PHACTR4: variants seen among roughly 807,000 people sequenced by gnomAD.
PHACTR4 encodes the protein protein phosphatase 1, regulatory subunit 124.
PHACTR4 carries 51 observed loss-of-function variants against 72.7 expected under a neutral mutation model. The ratio of observed to expected loss-of-function variants is 0.70; its 90% CI spans 0.56 to 0.89. The LOEUF is 0.89. Among genes scored for constraint, PHACTR4 ranks in the 40% least tolerant of loss-of-function variants. The pLI is 0.00. For missense variants in PHACTR4, 731 were observed against 861.8 expected, an observed-to-expected ratio of 0.85 and a Z score of 1.90; for synonymous variants, 255 against 302.5, an observed-to-expected ratio of 0.84 and a Z score of 1.63.
At chr1:28,421,508 A>T (rs1233295953) in intron 2 of PHACTR4, among the ~76,000 whole-genome samples, 1 of 152,134 alleles carries the variant, frequency 6.6e-6, no homozygotes, top group Non-Finnish European at 1.5e-5. Flanking sequence ...TTGCATAAAA[A>T]TTAATATTAT....
intron 1 of PHACTR4, among the ~76,000 whole-genome samples, chr1:28,370,056 G>T (rs1034252562): frequency 1.3e-5 from 2 of 151,730 alleles, no homozygotes; most frequent in African/African-American, 4.8e-5. Flanking sequence ...CAGGGCCCGC[G>T]CAGGCTCGCC....
At chr1:28,447,842 G>A (rs926452404) in intron 2 of PHACTR4, among the ~76,000 whole-genome samples, 13 of 152,076 alleles carry the variant, frequency 8.5e-5, no homozygotes, top group Admixed American at 4.6e-4. Context: ...CGGCTTTACC[G>A]AGTTCTTTCT....
At chr1:28,443,557 C>T (rs1657207282) in intron 2 of PHACTR4, among the ~76,000 whole-genome samples, 2 of 152,026 alleles carry the variant, frequency 1.3e-5, no homozygotes, top group Admixed American at 6.6e-5. Flanking sequence ...AAGCGATCCT[C>T]CCCCCTCAGC....
At chr1:28,413,950 A>G (rs1355468191) in intron 2 of PHACTR4, among the ~76,000 whole-genome samples, 1 of 152,180 alleles carries the variant, frequency 6.6e-6, no homozygotes, top group African/African-American at 2.4e-5. Context: ...CAGTCTTCCC[A>G]CTGTGTTTGG....
At chr1:28,475,867 C>CA (rs1206123388) in intron 7 of PHACTR4, among the ~76,000 whole-genome samples, 3 of 151,852 alleles carry the variant, frequency 2.0e-5, no homozygotes, top group African/African-American at 7.3e-5. Flanking sequence ...GCTGGGATTA[C>CA]AGGCACCTGC....
intron 13 of PHACTR4, among the ~76,000 whole-genome samples, chr1:28,495,025 A>G (rs1251353843): frequency 2.0e-5 from 3 of 152,218 alleles, no homozygotes; most frequent in East Asian, 3.9e-4. Flanking sequence ...TTTGTAAGAC[A>G]TTTCAAGCAT....
At chr1:28,456,715 G>A (rs1658408965) in intron 2 of PHACTR4, among the ~76,000 whole-genome samples, 1 of 151,650 alleles carries the variant, frequency 6.6e-6, no homozygotes, top group African/African-American at 2.4e-5. Flanking sequence ...GCCAGATGCT[G>A]TAGCCAGTGT....
Position 28,480,380 on chromosome 1 carries a change from A to C in PHACTR4, c.1607-71A>C. On this transcript the variant is annotated intron_variant, in intron 8 of 13. Coordinates refer to ENST00000373839, the MANE Select transcript of PHACTR4 (RefSeq NM_001048183.3). The stretch of plus-strand genomic sequence containing the variant: ...ATTGTATTTGTTCAGACTCTTGACT[A>C]GCTCCAGGTAAGGTTGAACCTTTGG... 16 of 1,545,262 alleles carry C rather than the reference A, an allele frequency of 1.0e-5. No individual in the cohort carries two copies. The South Asian group carries it at 1.6e-4, about 16-fold the overall frequency.
intron 2 of PHACTR4, among the ~76,000 whole-genome samples, chr1:28,449,281 G>A (rs974093209): frequency 2.6e-5 from 4 of 152,032 alleles, no homozygotes; most frequent in African/African-American, 4.8e-5. Context: ...CCATGATCGC[G>A]CCCATTAATA....
chr1:28,496,429 G>A (rs1661366398), intron 13 of PHACTR4, 105 bp from the exon 14 acceptor site: 1 of 1,282,676 alleles, frequency 7.8e-7, no homozygotes, highest in African/African-American at 1.5e-5. Context: ...TTAGAGCAGA[G>A]GAAAGGCAGT....
chr1:28,378,350 A>G (rs1651864118), intron 1 of PHACTR4, among the ~76,000 whole-genome samples: 1 of 150,380 alleles, frequency 6.6e-6, no homozygotes, highest in South Asian at 2.1e-4. Context: ...AAAAAAAAAA[A>G]AAAATTGGCT....
chr1:28,489,965 G>T (rs547212157), intron 10 of PHACTR4: 15 of 504,060 alleles, frequency 3.0e-5, no homozygotes, highest in Non-Finnish European at 5.6e-5. Flanking sequence ...ACAAAACTCA[G>T]TGTGATCACC....
At chr1:28,440,137 T>C (rs1656901072) in intron 2 of PHACTR4, among the ~76,000 whole-genome samples, 1 of 151,322 alleles carries the variant, frequency 6.6e-6, no homozygotes, top group South Asian at 2.1e-4. Context: ...CCGTCTCTAC[T>C]AAAAATACAA....
At chr1:28,460,412 G>T (rs1197124755) in intron 4 of PHACTR4, 120 bp downstream of exon 4, 5 of 683,578 alleles carry the variant, frequency 7.3e-6, no homozygotes, top group Non-Finnish European at 1.2e-5. Context: ...TTGGAGGGTG[G>T]CCTTTAAAAA....
chr1:28,420,259 T>C (rs1053075126), intron 2 of PHACTR4, among the ~76,000 whole-genome samples: 14 of 152,058 alleles, frequency 9.2e-5, no homozygotes, highest in African/African-American at 3.4e-4. Context: ...AACCCCATAA[T>C]GCCTATCATC....
intron 2 of PHACTR4, among the ~76,000 whole-genome samples, chr1:28,452,002 G>C (rs1658012284): frequency 6.6e-6 from 1 of 152,116 alleles, no homozygotes; most frequent in African/African-American, 2.4e-5. Context: ...GGCATATTTA[G>C]ATCTTCATTA....
chr1:28,482,098 A>C (rs535005167), intron 9 of PHACTR4, among the ~76,000 whole-genome samples: 5 of 151,864 alleles, frequency 3.3e-5, no homozygotes, highest in African/African-American at 1.2e-4. Flanking sequence ...GGGTTTCACC[A>C]TGTTGGCCAG....
intron 1 of PHACTR4, among the ~76,000 whole-genome samples, chr1:28,391,652 G>T (rs374673564): frequency 2.8e-4 from 41 of 144,748 alleles, no homozygotes; most frequent in African/African-American, 1.1e-3. Context: ...TTTGGCCAGG[G>T]TGGAGTGCAA....
In PHACTR4 at chr1:28,466,407, T is replaced by A; in HGVS notation, c.462T>A (p.Ser154=). ...GCTCAACTGGAAGCCAGCCTAATTCTGAAGCAGAGTCTGTTCCTGAGAATG... is the reference window on the plus strand; with the variant it reads ...GCTCAACTGGAAGCCAGCCTAATTCAGAAGCAGAGTCTGTTCCTGAGAATG... ...RLGSTGSQPN[S]EAESVPENVP... The change falls in exon 6 of 14, where the codon TCT becomes TCA. Residue 154 remains serine (S), a synonymous_variant. Transcript: ENST00000373839. The A allele has an allele frequency of 6.2e-7, 1 of 1,612,402 alleles. No individual in the cohort carries two copies. The highest frequency in any genetic ancestry group is 8.5e-7 in the Non-Finnish European group (1 of 1,178,500).
Sources: gnomAD v4.1 joint callset for allele counts (sites outside exome capture counted in the v4.1 genomes callset) on GRCh38, gnomAD v4.1.1 for gene constraint, MANE v1.5 for transcripts, NCBI Gene and HGNC (gene_info 2026-07-23, HGNC 2026-07-21) for gene names.